The following IREB2 variants were observed in gnomAD, a reference collection of about 807,000 sequenced individuals.
IREB2 encodes the protein iron responsive element binding protein 2, also known as iron-responsive element-binding protein 2.
A neutral mutation model predicts 118.8 loss-of-function variants in IREB2; 39 were observed. The observed-to-expected ratio is 0.33, with a 90% CI of 0.25 to 0.43. The LOEUF (loss-of-function observed/expected upper bound fraction) is 0.43. Among genes scored for constraint, IREB2 ranks in the 20% least tolerant of loss-of-function variants. The probability of loss-of-function intolerance (pLI) is 1.00; values close to 1 mark genes in which losing one functional copy is unlikely to be tolerated. For missense variants in IREB2, 900 were observed against 1,147.3 expected, an observed-to-expected ratio of 0.78 and a Z score of 3.11; for synonymous variants, 372 against 392.2, an observed-to-expected ratio of 0.95 and a Z score of 0.61.
Position 78,469,711 on chromosome 15 carries a change from C to T in IREB2, c.630-821C>T, listed in dbSNP as rs938031227. Among the ~76,000 whole-genome samples the T allele has an allele frequency of 3.3e-5, 5 of 151,412 alleles. No individual in the cohort carries two copies. In the East Asian group the frequency reaches 7.8e-4, roughly 24 times the overall value. The stretch of plus-strand genomic sequence containing the variant: ...TGCACTCCAGCCTGGGCAACAAGAG[C>T]GAAACTCCGTCTCAAAAAAAAAAGG... On this transcript the variant is annotated intron_variant, in intron 5 of 21. Transcript: ENST00000258886.
At chr15:78,457,413 C>T (rs1222985649) in intron 2 of IREB2, among the ~76,000 whole-genome samples, 4 of 152,028 alleles carry the variant, frequency 2.6e-5, no homozygotes, top group Non-Finnish European at 4.4e-5. Flanking sequence ...TAGAGCATGT[C>T]CTCTACTAGA....
intron 7 of IREB2, among the ~76,000 whole-genome samples, chr15:78,472,222 T>C (rs1347401688): frequency 1.3e-5 from 2 of 152,244 alleles, no homozygotes; most frequent in Non-Finnish European, 2.9e-5. Context: ...TAAGGTACTT[T>C]TGTGGCTTCT....
At chr15:78,487,205 C>A (rs2051676051) in intron 13 of IREB2, among the ~76,000 whole-genome samples, 1 of 151,362 alleles carries the variant, frequency 6.6e-6, no homozygotes, top group South Asian at 2.1e-4. Flanking sequence ...ATCAATGCCT[C>A]TTTTGGGACC....
chr15:78,439,548 C>T (rs1419354968), intron 1 of IREB2, among the ~76,000 whole-genome samples: 1 of 152,188 alleles, frequency 6.6e-6, no homozygotes, highest in Admixed American at 6.5e-5. Flanking sequence ...GTGGTGGATA[C>T]TAGCCCTGTG....
chr15:78,487,778 A>G lies in IREB2; in HGVS notation c.1755A>G (p.Thr585=). Residue 585 remains threonine, a synonymous_variant, in exon 14 of 22, where the codon ACA becomes ACG. Coordinates refer to ENST00000258886, the MANE Select transcript of IREB2 (RefSeq NM_004136.4). The part of the protein sequence containing the change: ...GYGCSICVGN[T]APLSDAVLNA... The stretch of plus-strand genomic sequence containing the variant: ...GATGTTCAATTTGTGTGGGAAATAC[A>G]GCACCCTTATCAGACGCAGTTTTAA... 1 of 1,609,510 alleles carries G rather than the reference A, an allele frequency of 6.2e-7. No individual in the cohort carries two copies. The highest frequency in any genetic ancestry group is 8.5e-7 in the Non-Finnish European group (1 of 1,176,024).
At chr15:78,472,739 A>T (rs575555195) in intron 7 of IREB2, among the ~76,000 whole-genome samples, 1 of 152,290 alleles carries the variant, frequency 6.6e-6, no homozygotes, top group South Asian at 2.1e-4. Flanking sequence ...GCCGACCGTG[A>T]CTTTGTTGAA....
chr15:78,443,134 AACTT>A (rs750949358), intron 2 of IREB2, among the ~76,000 whole-genome samples: 51 of 152,356 alleles, frequency 3.3e-4, no homozygotes, highest in Non-Finnish European at 5.7e-4. Context: ...GCTATGATAA[AACTT>A]AATTTATAAA....
intron 2 of IREB2, among the ~76,000 whole-genome samples, chr15:78,452,947 A>G (rs557462286): frequency 1.8e-4 from 27 of 152,286 alleles, no homozygotes; most frequent in Admixed American, 8.5e-4. Flanking sequence ...TAGTTTCTAT[A>G]GGGTAATGTT....
intron 20 of IREB2, among the ~76,000 whole-genome samples, chr15:78,496,517 C>G (rs1199369685): frequency 6.6e-6 from 1 of 152,192 alleles, no homozygotes; most frequent in Non-Finnish European, 1.5e-5. Context: ...ATCTGCCCAC[C>G]TCGGCCTCCC....
Position 78,438,322 on chromosome 15 carries a change from A to G in IREB2, c.-16A>G. The G allele has an allele frequency of 6.3e-7, 1 of 1,586,658 alleles. No individual in the cohort carries two copies. The highest frequency in any genetic ancestry group is 8.6e-7 in the Non-Finnish European group (1 of 1,167,034). ...CCGCTGGCCCCCTCCCCGGAGGGATAATATGGTCTCCGGCGATGGACGCCC... is the reference window on the plus strand; with the variant it reads ...CCGCTGGCCCCCTCCCCGGAGGGATGATATGGTCTCCGGCGATGGACGCCC... On this transcript the variant is annotated 5_prime_UTR_variant, in exon 1 of 22. It adds an upstream start codon to the 5' untranslated region. Coordinates refer to ENST00000258886, the MANE Select transcript of IREB2 (RefSeq NM_004136.4).
chr15:78,445,490 A>G (rs750942640), intron 2 of IREB2, among the ~76,000 whole-genome samples: 2 of 152,222 alleles, frequency 1.3e-5, no homozygotes, highest in Non-Finnish European at 2.9e-5. Flanking sequence ...ACTCAAGTAA[A>G]AAATAGGTTG....
At chr15:78,481,263 C>T (rs1487814039) in intron 10 of IREB2, among the ~76,000 whole-genome samples, 1 of 152,118 alleles carries the variant, frequency 6.6e-6, no homozygotes, top group African/African-American at 2.4e-5. Context: ...AGTGCAGTGG[C>T]GTGATCACGG....
chr15:78,464,267 A>G (rs1417147919), intron 3 of IREB2, among the ~76,000 whole-genome samples: 3 of 152,234 alleles, frequency 2.0e-5, no homozygotes, highest in African/African-American at 7.2e-5. Flanking sequence ...CTTAAAATCC[A>G]GAGCCTTTAC....
rs759681652 is a variant in IREB2 at position 78,478,421 on chromosome 15, G to T, written c.1296+24G>T. The T allele has an allele frequency of 4.5e-6, 6 of 1,320,480 alleles. No homozygotes were observed. In the Admixed American group the frequency reaches 1.0e-4, roughly 22 times the overall value. 81.8% of individuals were successfully genotyped at this position (1,320,480 alleles called of 1,614,324 possible). A position where few individuals can be genotyped will look rare whatever the true frequency, so the allele number is the denominator to read the frequency against. Reference sequence around the variant, plus strand: ...AGGTATATGCAGAATAACCCACCTCGTAGCAAAGAGTGTAAATTGTGGTGT... The same window carrying T: ...AGGTATATGCAGAATAACCCACCTCTTAGCAAAGAGTGTAAATTGTGGTGT... On this transcript the variant is annotated intron_variant, in intron 10 of 21. Coordinates refer to ENST00000258886, the MANE Select transcript of IREB2 (RefSeq NM_004136.4).
intron 2 of IREB2, among the ~76,000 whole-genome samples, chr15:78,456,226 G>T (rs1417266435): frequency 6.6e-6 from 1 of 152,162 alleles, no homozygotes; most frequent in Non-Finnish European, 1.5e-5. Context: ...GGAGAAATAA[G>T]AAATTTTGTT....
intron 2 of IREB2, among the ~76,000 whole-genome samples, chr15:78,452,111 GA>G (rs2051035992): frequency 6.6e-6 from 1 of 152,218 alleles, no homozygotes; most frequent in South Asian, 2.1e-4. Context: ...CTAAGTGAGA[GA>G]TGATGTACTG....
intron 2 of IREB2, among the ~76,000 whole-genome samples, chr15:78,440,965 A>T (rs1199257258): frequency 6.6e-6 from 1 of 152,084 alleles, no homozygotes; most frequent in African/African-American, 2.4e-5. Flanking sequence ...TCTTTAGAAG[A>T]CTCATTATTC....
intron 4 of IREB2, among the ~76,000 whole-genome samples, chr15:78,465,635 C>A (rs541723904): frequency 6.6e-6 from 1 of 151,908 alleles, no homozygotes; most frequent in East Asian, 1.9e-4. Context: ...TTGGAGTGAA[C>A]CTCTGTATTC....
chr15:78,484,496 G>A (rs952400107), intron 11 of IREB2, among the ~76,000 whole-genome samples: 4 of 152,106 alleles, frequency 2.6e-5, no homozygotes, highest in African/African-American at 9.7e-5. Context: ...AGCCAAATGA[G>A]ATCTGGATTC....
Sources: gnomAD v4.1 joint callset for allele counts (sites outside exome capture counted in the v4.1 genomes callset) on GRCh38, gnomAD v4.1.1 for gene constraint, MANE v1.5 for transcripts, NCBI Gene and HGNC (gene_info 2026-07-23, HGNC 2026-07-21) for gene names.